The following CD109 variants were observed in gnomAD, a reference collection of about 807,000 sequenced individuals.
CD109 encodes CD109 antigen.
A neutral mutation model predicts 165.8 loss-of-function variants in CD109; 149 were observed. That is an observed-to-expected ratio of 0.90 (90% CI 0.79 to 1.03). The LOEUF (loss-of-function observed/expected upper bound fraction) is 1.03. Ranked by LOEUF, CD109 falls within the 50% of genes least tolerant of loss-of-function variation. The probability of loss-of-function intolerance (pLI) is 0.00; values close to 1 mark genes in which losing one functional copy is unlikely to be tolerated. For synonymous variants in CD109, 585 were observed against 592.1 expected (o/e 0.99, Z 0.18); for missense variants, 1,712 against 1,677.8 (o/e 1.02, Z -0.36).
In CD109 at chr6:73,763,667, T is replaced by C; in HGVS notation, c.1089T>C (p.Ser363=). ...FFDYTTVLKP[S]LNFTATVKVT... is the part of the protein sequence containing the mutation. ...ATTATACTACTGTCTTGAAGCCATC[T>C]CTCAACTTCACAGCCACTGTAAGTT... Residue 363 remains serine, a synonymous_variant, in exon 10 of 33, where the codon TCT becomes TCC. Coordinates refer to ENST00000287097, the MANE Select transcript of CD109 (RefSeq NM_133493.5). 1.3e-6 allele frequency: 2 copies of C among 1,577,986 alleles called. No homozygotes were observed. The highest frequency in any genetic ancestry group is 1.2e-5 in the South Asian group (1 of 84,506).
At position 73,736,335 on chromosome 6, in the gene CD109, T is replaced by C. The variant is rs749622065; in HGVS notation, c.508-48T>C. 3 of 1,602,122 alleles carry C rather than the reference T, an allele frequency of 1.9e-6. No individual in the cohort carries two copies. In the Admixed American group the frequency reaches 5.1e-5, roughly 27 times the overall value. ...TATTCCTAACCTGATAGGATACACA[T>C]GCACATGGGCAGCCTCTACATACTT... On this transcript the variant is annotated intron_variant, in intron 4 of 32. Coordinates refer to ENST00000287097, the MANE Select transcript of CD109 (RefSeq NM_133493.5).
chr6:73,740,087 C>T (rs1772712906), intron 5 of CD109, among the ~76,000 whole-genome samples: 2 of 152,086 alleles, frequency 1.3e-5, no homozygotes, highest in Admixed American at 6.5e-5. Flanking sequence ...TTATGTTGCC[C>T]AGGCTGATCT....
intron 2 of CD109, among the ~76,000 whole-genome samples, chr6:73,706,403 G>C (rs1771266536): frequency 6.6e-6 from 1 of 152,126 alleles, no homozygotes; most frequent in African/African-American, 2.4e-5. Flanking sequence ...GAAGAGGAAA[G>C]GGCTGTTTAC....
rs201088800 is a variant in CD109 at position 73,723,246 on chromosome 6, T to C, written c.248-5T>C. The C allele has an allele frequency of 1.2e-6, 2 of 1,612,738 alleles. No individual in the cohort carries two copies. Among genetic ancestry groups the C allele is most frequent in the Non-Finnish European group, 1.7e-6 (2 of 1,179,668 alleles). ...ACTCTGTTTTCTTTCCTGTTTTCCT[T>C]GTAGGCTCTTTTAAGACACTTACTC... On this transcript the variant is annotated splice_polypyrimidine_tract_variant and splice_region_variant and intron_variant, in intron 2 of 32. Coordinates refer to ENST00000287097, the MANE Select transcript of CD109 (RefSeq NM_133493.5).
At chr6:73,815,381 ACT>A (rs138096659) in intron 30 of CD109, among the ~76,000 whole-genome samples, 52 of 152,294 alleles carry the variant, frequency 3.4e-4, no homozygotes, top group African/African-American at 1.2e-3. Context: ...AATTAATAAA[ACT>A]CAGGTCTAAT....
intron 18 of CD109, among the ~76,000 whole-genome samples, chr6:73,783,216 G>A (rs1046804614): frequency 1.3e-5 from 2 of 152,148 alleles, no homozygotes; most frequent in East Asian, 3.9e-4. Context: ...GATAAACCCC[G>A]TACCACCTGG....
chr6:73,696,222 G>C lies in CD109; in HGVS notation c.7G>C (p.Gly3Arg). 3.2e-6 allele frequency: 5 copies of C among 1,545,724 alleles called. No homozygotes were observed. The highest frequency in any genetic ancestry group is 4.3e-6 in the Non-Finnish European group (5 of 1,149,796). MQ[G>R]PPLLTAAHLL... ...CCAGGCAGACGCCGTCGAGATGCAGGGCCCACCGCTCCTGACCGCCGCCCA... is the reference window on the plus strand; with the variant it reads ...CCAGGCAGACGCCGTCGAGATGCAGCGCCCACCGCTCCTGACCGCCGCCCA... Residue 3 changes from glycine (G) to arginine (R), a missense_variant, in exon 1 of 33, where the codon GGC (glycine) becomes CGC (arginine). Transcript: ENST00000287097.
rs760951452 is a variant in CD109, at chr6:73,818,549, CAT to C, written c.4059+16_4059+17del. Reference sequence around the variant, plus strand: ...TATTTAGATTCTGTAAGTAGTAAAACATAAGGTAACTGTTGACAAAGCCACTG... The same window carrying C: ...TATTTAGATTCTGTAAGTAGTAAAACAAGGTAACTGTTGACAAAGCCACTG... On this transcript the variant is annotated intron_variant, in intron 31 of 32. Coordinates refer to ENST00000287097, the MANE Select transcript of CD109 (RefSeq NM_133493.5). 217 of 1,608,640 alleles carry C rather than the reference CAT, an allele frequency of 1.3e-4. No individual in the cohort carries two copies. Among genetic ancestry groups the C allele is most frequent in the Non-Finnish European group, 1.8e-4 (208 of 1,177,674 alleles).
In CD109 at chr6:73,806,932, C is replaced by T; in HGVS notation, c.3049C>T (p.Leu1017Phe). The change falls in exon 25 of 33, where the codon CTT becomes TTT. Residue 1017 changes from leucine (L) to phenylalanine (F), a missense_variant. Leu to Phe is a conservative substitution (Grantham distance 22). Transcript: ENST00000287097. ...TGTGTTACACAGAACATACACTTGG[C>T]TTAAAGGACATCAGAAATCCAACGG... ...QNVLHRTYTWLKGHQKSNGEF... is the reference protein window; with the variant it reads ...QNVLHRTYTWFKGHQKSNGEF... 6.2e-7 allele frequency: 1 copy of T among 1,613,928 alleles called. No homozygotes were observed. The highest frequency in any genetic ancestry group is 8.5e-7 in the Non-Finnish European group (1 of 1,179,928).
At chr6:73,765,333 G>A (rs1428675913) in intron 10 of CD109, among the ~76,000 whole-genome samples, 1 of 150,828 alleles carries the variant, frequency 6.6e-6, no homozygotes, top group African/African-American at 2.4e-5. Flanking sequence ...GGACTTTGGT[G>A]TTCATTGGAT....
Position 73,747,463 on chromosome 6 carries a change from T to A in CD109, c.634-9180T>A, listed in dbSNP as rs149675912. On this transcript the variant is annotated intron_variant, in intron 5 of 32. Transcript: ENST00000287097. ...TTCGTCATTTACTCTCTATTACATA[T>A]TGGCACATTGCAAGTTTGGTTTTAA... is the stretch of plus-strand genomic sequence containing the variant. 2.4e-4 allele frequency among the ~76,000 whole-genome samples: 37 copies of A among 152,310 alleles called. No individual in the cohort carries two copies. The East Asian group carries it at 6.8e-3, about 28-fold the overall frequency.
At chr6:73,790,477 G>A (rs1458633532) in intron 22 of CD109, among the ~76,000 whole-genome samples, 1 of 152,172 alleles carries the variant, frequency 6.6e-6, no homozygotes, top group African/African-American at 2.4e-5. Context: ...GAACCAATAG[G>A]AGATACTTAC....
chr6:73,690,409 T>A, the CD109 span, among the ~76,000 whole-genome samples: 2 of 152,126 alleles, frequency 1.3e-5, no homozygotes, highest in Admixed American at 6.5e-5. Context: ...TTTTTTTTGT[T>A]TGTTTTTTTG....
At chr6:73,685,531 G>C in the CD109 span, among the ~76,000 whole-genome samples, 1 of 151,454 alleles carries the variant, frequency 6.6e-6, no homozygotes, top group South Asian at 2.1e-4. Context: ...GAATCCTTAG[G>C]GTTTAAAAAA....
Position 73,762,842 on chromosome 6 carries a change from A to C in CD109, c.957A>C (p.Gly319=). The C allele has an allele frequency of 6.2e-7, 1 of 1,612,622 alleles. No homozygotes were observed. Among genetic ancestry groups the C allele is most frequent in the Non-Finnish European group, 8.5e-7 (1 of 1,179,522 alleles). ...LSEYLDLSSP[G]PVEILTTVTE... is the part of the protein sequence containing the mutation. ...AATACCTGGATCTATCTTCCCCTGG[A>C]CCAGTAGAAATTTTAACCACAGTGA... Residue 319 remains glycine (G), a synonymous_variant, in exon 9 of 33, where the codon GGA becomes GGC. Transcript: ENST00000287097.
chr6:73,772,231 C>T (rs919846103), intron 15 of CD109, among the ~76,000 whole-genome samples: 1 of 152,128 alleles, frequency 6.6e-6, no homozygotes, highest in Non-Finnish European at 1.5e-5. Context: ...TTGTGCCGGG[C>T]ATGGTGGCTC....
chr6:73,730,609 A>G, intron 4 of CD109, 35 bp downstream of exon 4: 1 of 1,408,770 alleles, frequency 7.1e-7, no homozygotes, highest in Non-Finnish European at 9.9e-7. Flanking sequence ...AAGGAATTCT[A>G]GCCATCTTAC....
chr6:73,730,573 A>G lies in CD109; in HGVS notation c.506A>G (p.Lys169Arg), dbSNP rs751409246. 1.7e-5 allele frequency: 27 copies of G among 1,591,308 alleles called. No individual in the cohort carries two copies. Among genetic ancestry groups the G allele is most frequent in the Non-Finnish European group, 2.2e-5 (25 of 1,160,172 alleles). ...PYKTSLNILIKDPKSNLIQQW... is the reference protein window; with the variant it reads ...PYKTSLNILIRDPKSNLIQQW... ...AAAACCTCTTTAAACATTCTCATTA[A>G]GGTAAGTGCCAGACAGAAATGAAGC... Residue 169 changes from lysine (K) to arginine (R), a missense_variant and splice_region_variant, in exon 4 of 33, where the codon AAG becomes AGG. Coordinates refer to ENST00000287097, the MANE Select transcript of CD109 (RefSeq NM_133493.5).
intron 27 of CD109, 56 bp downstream of exon 27, chr6:73,810,230 A>T: frequency 2.4e-6 from 1 of 416,884 alleles, no homozygotes; most frequent in Non-Finnish European, 3.7e-6. Context: ...AGATTTATTT[A>T]TTATATATAT....
Sources: gnomAD v4.1 joint callset for allele counts (sites outside exome capture counted in the v4.1 genomes callset) on GRCh38, gnomAD v4.1.1 for gene constraint, MANE v1.5 for transcripts, NCBI Gene and HGNC (gene_info 2026-07-23, HGNC 2026-07-21) for gene names.